ZNF518B: variants seen among roughly 807,000 people sequenced by gnomAD.
The protein encoded by ZNF518B is zinc finger protein 518B.
A neutral mutation model predicts 56.3 loss-of-function variants in ZNF518B; 23 were observed. The ratio of observed to expected loss-of-function variants is 0.41; its 90% CI spans 0.29 to 0.58. The LOEUF (loss-of-function observed/expected upper bound fraction) is 0.58. Among genes scored for constraint, ZNF518B ranks in the 20% least tolerant of loss-of-function variants. The pLI is 0.32. For synonymous variants in ZNF518B, 529 were observed against 465.9 expected (o/e 1.14, Z -1.74); for missense variants, 1,460 against 1,272.1 (o/e 1.15, Z -2.25).
At chr4:10,450,596 G>A (rs997443437) in intron 2 of ZNF518B, among the ~76,000 whole-genome samples, 3 of 152,128 alleles carry the variant, frequency 2.0e-5, no homozygotes, top group Non-Finnish European at 2.9e-5. Context: ...TCCACACAAC[G>A]TCCTCCATGG....
At chr4:10,460,485 G>A (rs1356000814), upstream of ZNF518B, among the ~76,000 whole-genome samples, 2 of 152,178 alleles carry the variant, frequency 1.3e-5, no homozygotes, top group African/African-American at 4.8e-5. Context: ...CTTGGGAGAT[G>A]AGCTGTAAGC....
At position 10,446,650 on chromosome 4, in the gene ZNF518B, G is replaced by T. The variant is rs151006935; in HGVS notation, c.-211-111C>A. On this transcript the variant is annotated intron_variant, in intron 2 of 2. Transcript: ENST00000326756. ...TGGACATTTTATGGTAAATCTCAAC[G>T]TATGATTTTAGACGCATGTTATAAC... The T allele has an allele frequency of 5.1e-5, 12 of 233,458 alleles. No homozygotes were observed. In the Admixed American group the frequency reaches 5.5e-4, roughly 11 times the overall value. The allele number at this position is 233,458 out of a possible 1,614,324, so 14.5% of individuals were successfully genotyped here.
Position 10,445,652 on chromosome 4 carries a change from G to A in ZNF518B, c.677C>T (p.Ala226Val). ...AGAKRPVKAV[A>V]KLEPKRTGTS... is the part of the protein sequence containing the mutation. ...TCCGGTTCTTTTTGGCTCCAGCTTG[G>A]CAACAGCTTTGACTGGCCGTTTCGC... Residue 226 changes from alanine (A) to valine (V), a missense_variant, in exon 3 of 3, where the codon GCC (alanine) becomes GTC (valine). Physicochemically the swap from Ala to Val is moderately conservative, Grantham distance 64. Coordinates refer to ENST00000326756, the MANE Select transcript of ZNF518B (RefSeq NM_053042.3). 1 of 1,614,090 alleles carries A rather than the reference G, an allele frequency of 6.2e-7. No individual in the cohort carries two copies. The highest frequency in any genetic ancestry group is 8.5e-7 in the Non-Finnish European group (1 of 1,180,012).
Position 10,444,345 on chromosome 4 carries a change from T to C in ZNF518B, c.1984A>G (p.Ile662Val), listed in dbSNP as rs750112722. The C allele has an allele frequency of 3.2e-5, 51 of 1,614,104 alleles. No homozygotes were observed. The highest frequency in any genetic ancestry group is 2.0e-4 in the African/African-American group (15 of 74,940). Residue 662 changes from isoleucine (I) to valine (V), a missense_variant, in exon 3 of 3, where the codon ATT (isoleucine) becomes GTT (valine). Ile to Val is a conservative substitution (Grantham distance 29). Transcript: ENST00000326756. ...GCTATCTTTCTGCGCAACAGTTCAA[T>C]TGACTTTATTTTAGACGTTGAGCTA... ...WNSSTSKIKSIELLRRKIAQL... is the reference protein window; with the variant it reads ...WNSSTSKIKSVELLRRKIAQL...
chr4:10,444,281 G>A lies in ZNF518B; in HGVS notation c.2048C>T (p.Ala683Val), dbSNP rs561853319. 1 of 1,614,170 alleles carries A rather than the reference G, an allele frequency of 6.2e-7. No homozygotes were observed. Among genetic ancestry groups the A allele is most frequent in the South Asian group, 1.1e-5 (1 of 91,084 alleles). Residue 683 changes from alanine to valine, a missense_variant, in exon 3 of 3, where the codon GCT (alanine) becomes GTT (valine). Physicochemically the swap from Ala to Val is moderately conservative, Grantham distance 64. Transcript: ENST00000326756. ...AGAGCGACGATGTGCACTATTTGAA[G>A]CCAAAGATGACGGCTTCCCACAGGA... ...IESCGKPSSL[A>V]SNSAHRRSVG...
intron 2 of ZNF518B, among the ~76,000 whole-genome samples, chr4:10,448,006 T>C (rs1715146056): frequency 6.6e-6 from 1 of 152,204 alleles, no homozygotes; most frequent in South Asian, 2.1e-4. Flanking sequence ...TATGGCAAAC[T>C]AGGAGCATAA....
At position 10,440,608 on chromosome 4, in the gene ZNF518B, A is replaced by C. The variant is rs1312514277; in HGVS notation, c.*2496T>G. 6.6e-6 allele frequency: 1 copy of C among 152,546 alleles called. No homozygotes were observed. The highest frequency in any genetic ancestry group is 2.4e-5 in the African/African-American group (1 of 41,460). The allele number at this position is 152,546 out of a possible 1,614,324, so 9.4% of individuals were successfully genotyped here. On this transcript the variant is annotated 3_prime_UTR_variant, in exon 3 of 3. Transcript: ENST00000326756. The stretch of plus-strand genomic sequence containing the variant: ...TTTCCCATTTTTGACTTCCAGAAAC[A>C]CTTTTAATTCCTTAAAAAGTATTCT...
chr4:10,453,540 C>T (rs1265721952), intron 2 of ZNF518B: 1 of 148,928 alleles, frequency 6.7e-6, no homozygotes, highest in Non-Finnish European at 1.5e-5. Flanking sequence ...ATTTAGAGTG[C>T]TTGATGTCTA....
upstream of ZNF518B, among the ~76,000 whole-genome samples, chr4:10,460,324 C>CA (rs1715706695): frequency 1.7e-4 from 3 of 17,394 alleles, no homozygotes; most frequent in African/African-American, 2.6e-4. Flanking sequence ...AAAAAAAAAA[C>CA]CAAAAAAAAA....
intron 2 of ZNF518B, among the ~76,000 whole-genome samples, chr4:10,448,155 T>G (rs1230704348): frequency 1.3e-5 from 2 of 152,164 alleles, no homozygotes; most frequent in Non-Finnish European, 2.9e-5. Flanking sequence ...AGAGCCGCCA[T>G]GATGATTAGA....
chr4:10,446,453 C>CTTAA lies in ZNF518B; in HGVS notation c.-129_-126dup, dbSNP rs1175259366. On this transcript the variant is annotated 5_prime_UTR_variant, in exon 3 of 3. Coordinates refer to ENST00000326756, the MANE Select transcript of ZNF518B (RefSeq NM_053042.3). ...GGCGCAGCTACTTCTTGGGTGCATACTTAATTATCTTTCTTTATATACTGC... is the reference window on the plus strand; with the variant it reads ...GGCGCAGCTACTTCTTGGGTGCATACTTAATTAATTATCTTTCTTTATATACTGC... 3.5e-6 allele frequency: 3 copies of CTTAA among 853,610 alleles called. No individual in the cohort carries two copies. Among genetic ancestry groups the CTTAA allele is most frequent in the Admixed American group, 2.6e-5 (1 of 38,852 alleles). 52.9% of individuals were successfully genotyped at this position (853,610 alleles called of 1,614,324 possible).
At chr4:10,449,523 CAG>C (rs1715210001) in intron 2 of ZNF518B, among the ~76,000 whole-genome samples, 1 of 152,154 alleles carries the variant, frequency 6.6e-6, no homozygotes, top group Non-Finnish European at 1.5e-5. Context: ...TTAAATGAAA[CAG>C]AAATCAGCTT....
At chr4:10,448,760 A>G (rs911022025) in intron 2 of ZNF518B, among the ~76,000 whole-genome samples, 1 of 152,190 alleles carries the variant, frequency 6.6e-6, no homozygotes, top group African/African-American at 2.4e-5. Context: ...GCTGGCAAAC[A>G]ATACATGGGC....
chr4:10,445,759 A>C lies in ZNF518B; in HGVS notation c.570T>G (p.Tyr190Ter). The C allele has an allele frequency of 6.2e-7, 1 of 1,614,224 alleles. No individual in the cohort carries two copies. The highest frequency in any genetic ancestry group is 8.5e-7 in the Non-Finnish European group (1 of 1,180,042). Residue 190 changes from tyrosine to a stop codon, truncating the protein, a stop_gained, in exon 3 of 3, where the codon TAT (tyrosine) becomes TAG (stop). Coordinates refer to ENST00000326756, the MANE Select transcript of ZNF518B (RefSeq NM_053042.3). LOFTEE classifies it low-confidence loss of function (END_TRUNC). ...HLVKHTGIFP[Y>*]QCEYCDYGAI... Reference sequence around the variant, plus strand: ...CACCATAGTCACAATACTCACACTGATAAGGAAATATGCCTGTGTGTTTCA... The same window carrying C: ...CACCATAGTCACAATACTCACACTGCTAAGGAAATATGCCTGTGTGTTTCA...
Position 10,443,369 on chromosome 4 carries a change from C to G in ZNF518B, c.2960G>C (p.Arg987Pro), listed in dbSNP as rs779938711. 6.2e-6 allele frequency: 10 copies of G among 1,614,100 alleles called. No homozygotes were observed. The East Asian group carries it at 2.0e-4, about 32-fold the overall frequency. The change falls in exon 3 of 3, where the codon CGG (arginine) becomes CCG (proline). Residue 987 changes from arginine to proline, a missense_variant. Physicochemically the swap from Arg to Pro is moderately radical, Grantham distance 103 (BLOSUM62 -2). Transcript: ENST00000326756. Reference sequence around the variant, plus strand: ...CTGGTAGGTCAGGCGTACATGATGCCGTCTGATGCCTAGCTGACACCTAGT... The same window carrying G: ...CTGGTAGGTCAGGCGTACATGATGCGGTCTGATGCCTAGCTGACACCTAGT... ...ERTRCQLGIR[R>P]HHVRLTYQNA...
At position 10,440,080 on chromosome 4, in the gene ZNF518B, G is replaced by A. The variant is rs1714603884; in HGVS notation, c.*3024C>T. 1.3e-5 allele frequency: 2 copies of A among 152,508 alleles called. No individual in the cohort carries two copies. Among genetic ancestry groups the A allele is most frequent in the African/African-American group, 4.8e-5 (2 of 41,416 alleles). 9.4% of individuals were successfully genotyped at this position (152,508 alleles called of 1,614,324 possible). A position where few individuals can be genotyped will look rare whatever the true frequency, so the allele number is the denominator to read the frequency against. Reference sequence around the variant, plus strand: ...TTACAGATTTAAAAATTATTCCAAAGGCCGAGCAACATCACATCTTCAACT... The same window carrying A: ...TTACAGATTTAAAAATTATTCCAAAAGCCGAGCAACATCACATCTTCAACT... On this transcript the variant is annotated 3_prime_UTR_variant, in exon 3 of 3. Coordinates refer to ENST00000326756, the MANE Select transcript of ZNF518B (RefSeq NM_053042.3).
rs1370462776 is a variant in ZNF518B, at chr4:10,446,288, T to C, written c.41A>G (p.Asn14Ser). 1 of 1,614,228 alleles carries C rather than the reference T, an allele frequency of 6.2e-7. No individual in the cohort carries two copies. Among genetic ancestry groups the C allele is most frequent in the South Asian group, 1.1e-5 (1 of 91,084 alleles). ...IGQQLYTTHL[N>S]GGHNSLTMSP... Reference sequence around the variant, plus strand: ...CATGGTCAAGGAATTATGTCCGCCGTTCAAGTGTGTAGTGTATAGCTGCTG... The same window carrying C: ...CATGGTCAAGGAATTATGTCCGCCGCTCAAGTGTGTAGTGTATAGCTGCTG... The change falls in exon 3 of 3, where the codon AAC becomes AGC. Residue 14 changes from asparagine to serine, a missense_variant. Transcript: ENST00000326756.
In ZNF518B at chr4:10,443,431, GTATT is replaced by G. The variant is rs746043333; in HGVS notation, c.2894_2897del (p.Lys965ThrfsTer18). On this transcript the variant is annotated frameshift_variant, in exon 3 of 3. Transcript: ENST00000326756. LOFTEE classifies it high-confidence loss of function. ...AAACAACTTTGAGGACATTGCCTTT[GTATT>G]TATTTATTACCTTCATCACATTGGT... is the stretch of plus-strand genomic sequence containing the variant. The G allele has an allele frequency of 9.9e-6, 16 of 1,614,060 alleles. No individual in the cohort carries two copies. Among genetic ancestry groups the G allele is most frequent in the Non-Finnish European group, 1.1e-5 (13 of 1,180,038 alleles).
At chr4:10,448,414 A>T (rs1448269085) in intron 2 of ZNF518B, among the ~76,000 whole-genome samples, 2 of 152,180 alleles carry the variant, frequency 1.3e-5, no homozygotes, top group African/African-American at 2.4e-5. Flanking sequence ...ATGCAACAGT[A>T]ACGCACTCAG....
Sources: allele counts gnomAD v4.1 joint callset (sites outside exome capture counted in the v4.1 genomes callset), GRCh38; gene constraint gnomAD v4.1.1; transcripts MANE v1.5; gene names NCBI Gene and HGNC (gene_info 2026-07-23, HGNC 2026-07-21).